Variants in MIB1 observed in about 807,000 individuals in gnomAD.
MIB1 encodes MIB E3 ubiquitin protein ligase 1.
In MIB1, 278 loss-of-function variants were observed where a neutral mutation model predicts 124.5. The ratio of observed to expected loss-of-function variants is 2.23; its 90% CI spans 2.02 to 2.47. The LOEUF (loss-of-function observed/expected upper bound fraction) is 2.47, where lower values mean the gene tolerates loss of function less well. Ranked by LOEUF, MIB1 falls within the 30% of genes most tolerant of loss-of-function variation. The pLI, the probability that MIB1 is intolerant of heterozygous loss-of-function variation, is 0.00. For synonymous variants in MIB1, 446 were observed against 429.4 expected (o/e 1.04, Z -0.48); for missense variants, 957 against 1,254.4 (o/e 0.76, Z 3.58).
At chr18:21,742,279 T>A (rs1289829434) in intron 1 of MIB1, among the ~76,000 whole-genome samples, 1 of 143,956 alleles carries the variant, frequency 6.9e-6, no homozygotes, top group Non-Finnish European at 1.5e-5. Context: ...GAGATGCCTT[T>A]TTTTTTTTTT....
intron 8 of MIB1, among the ~76,000 whole-genome samples, chr18:21,799,564 C>T (rs1005921167): frequency 6.6e-6 from 1 of 152,022 alleles, no homozygotes; most frequent in South Asian, 2.1e-4. Flanking sequence ...CTTATGATGA[C>T]TTTTAAATCT....
intron 18 of MIB1, among the ~76,000 whole-genome samples, chr18:21,856,018 C>T (rs1323122050): frequency 6.6e-6 from 1 of 151,776 alleles, no homozygotes; most frequent in Non-Finnish European, 1.5e-5. Context: ...ATCATGAGGT[C>T]AGGAGATCGA....
intron 9 of MIB1, among the ~76,000 whole-genome samples, chr18:21,803,176 T>G (rs2041668251): frequency 6.6e-6 from 1 of 152,244 alleles, no homozygotes; most frequent in Non-Finnish European, 1.5e-5. Flanking sequence ...TTTATGGATT[T>G]TTACCTTTTA....
At chr18:21,807,424 C>G (rs1475283615) in intron 10 of MIB1, among the ~76,000 whole-genome samples, 1 of 152,122 alleles carries the variant, frequency 6.6e-6, no homozygotes, top group Non-Finnish European at 1.5e-5. Flanking sequence ...AGGAGTGAGA[C>G]CCTACCTCAA....
intron 13 of MIB1, among the ~76,000 whole-genome samples, chr18:21,840,665 ATTTTTT>A (rs375520508): frequency 3.8e-3 from 12 of 3,136 alleles, no homozygotes; most frequent in African/African-American, 4.7e-3. Context: ...ATATATATAT[ATTTTTT>A]TTTTTTTTTA....
chr18:21,794,738 A>G (rs1384730535), intron 7 of MIB1, among the ~76,000 whole-genome samples: 2 of 152,128 alleles, frequency 1.3e-5, no homozygotes, highest in African/African-American at 4.8e-5. Context: ...AGGAAAGAAA[A>G]TTATTTTGCT....
At chr18:21,834,471 C>T (rs753128490) in intron 12 of MIB1, among the ~76,000 whole-genome samples, 2 of 152,074 alleles carry the variant, frequency 1.3e-5, no homozygotes, top group African/African-American at 2.4e-5. Flanking sequence ...TTTAGAGATA[C>T]GGAAATGTTT....
chr18:21,817,936 T>A (rs11876257), intron 11 of MIB1: 14,769 of 171,338 alleles, frequency 0.086, 749 homozygotes, highest in Middle Eastern at 0.13. Flanking sequence ...GAATAGCATC[T>A]GTTCAACTAT....
At chr18:21,824,677 CCA>C (rs2041909053) in intron 12 of MIB1, among the ~76,000 whole-genome samples, 1 of 151,900 alleles carries the variant, frequency 6.6e-6, no homozygotes, top group Non-Finnish European at 1.5e-5. Flanking sequence ...CTCCTTTTGC[CCA>C]CAGTCTTTTA....
Position 21,847,007 on chromosome 18 carries a change from T to C in MIB1, c.2275T>C (p.Leu759=). 6.2e-7 allele frequency: 1 copy of C among 1,614,198 alleles called. No homozygotes were observed. The highest frequency in any genetic ancestry group is 8.5e-7 in the Non-Finnish European group (1 of 1,180,024). The change falls in exon 16 of 21, where the codon TTG becomes CTG. Residue 759 remains leucine, a synonymous_variant. Transcript: ENST00000261537. ...KKSAASIACF[L]AANGADLSIR... The stretch of plus-strand genomic sequence containing the variant: ...GAGTGCAGCATCTATTGCCTGTTTC[T>C]TGGCAGCCAATGGTGCTGACCTGAG...
chr18:21,774,707 T>C (rs1460501883), intron 4 of MIB1, among the ~76,000 whole-genome samples: 1 of 152,166 alleles, frequency 6.6e-6, no homozygotes, highest in East Asian at 1.9e-4. Context: ...CAAAGAATTC[T>C]TTACATTTCC....
At position 21,815,960 on chromosome 18, in the gene MIB1, C is replaced by A. The variant is rs186181552; in HGVS notation, c.1677+147C>A. 3.1e-5 allele frequency: 23 copies of A among 746,258 alleles called. No homozygotes were observed. In the Admixed American group the frequency reaches 5.7e-4, roughly 18 times the overall value. 46.2% of individuals were successfully genotyped at this position (746,258 alleles called of 1,614,324 possible). A position where few individuals can be genotyped will look rare whatever the true frequency, so the allele number is the denominator to read the frequency against. On this transcript the variant is annotated intron_variant, in intron 11 of 20. Coordinates refer to ENST00000261537, the MANE Select transcript of MIB1 (RefSeq NM_020774.4). ...AAGGCGTAAGATGTTACAAAATTGG[C>A]AGCTATTTCTTTTTTAAAAAGTTGT...
intron 12 of MIB1, chr18:21,831,127 C>T: frequency 7.0e-6 from 1 of 143,536 alleles, no homozygotes; most frequent in East Asian, 2.1e-4. Context: ...AAAACAAAAA[C>T]AGAACCCAAA....
intron 20 of MIB1, among the ~76,000 whole-genome samples, chr18:21,860,287 G>A (rs1158333685): frequency 4.6e-5 from 7 of 151,216 alleles, no homozygotes; most frequent in African/African-American, 1.2e-4. Flanking sequence ...TTTTAGTAGC[G>A]ATAGGGATTT....
chr18:21,745,535 A>G (rs2040901958), intron 1 of MIB1, among the ~76,000 whole-genome samples: 1 of 152,188 alleles, frequency 6.6e-6, no homozygotes, highest in Non-Finnish European at 1.5e-5. Context: ...AGGTAAGATA[A>G]ACACTAAATT....
chr18:21,849,829 T>C (rs779764523), intron 17 of MIB1, among the ~76,000 whole-genome samples: 8 of 152,298 alleles, frequency 5.3e-5, no homozygotes, highest in Non-Finnish European at 1.2e-4. Context: ...CATTCATGTT[T>C]GTAAAATAAT....
At chr18:21,835,341 T>A (rs374540799) in intron 12 of MIB1, among the ~76,000 whole-genome samples, 6 of 152,072 alleles carry the variant, frequency 3.9e-5, no homozygotes, top group East Asian at 3.9e-4. Flanking sequence ...GGAAGAACAG[T>A]TGAGTTTTAA....
chr18:21,813,009 CGTGT>C (rs2146470883), intron 10 of MIB1, among the ~76,000 whole-genome samples: 1 of 152,058 alleles, frequency 6.6e-6, no homozygotes, highest in South Asian at 2.1e-4. Context: ...TTCTAGTGTG[CGTGT>C]GTATTTTCCA....
At chr18:21,767,198 G>A (rs781669545) in intron 2 of MIB1, among the ~76,000 whole-genome samples, 13 of 152,162 alleles carry the variant, frequency 8.5e-5, no homozygotes, top group Non-Finnish European at 1.9e-4. Context: ...AATTTATAAA[G>A]GAAAGAGGTT....
Sources: gnomAD v4.1 joint callset for allele counts (sites outside exome capture counted in the v4.1 genomes callset) on GRCh38, gnomAD v4.1.1 for gene constraint, MANE v1.5 for transcripts, NCBI Gene and HGNC (gene_info 2026-07-23, HGNC 2026-07-21) for gene names.